Variants in SART3 observed in about 807,000 individuals in gnomAD.
SART3 encodes spliceosome associated factor 3, U4/U6 recycling protein.
Under a neutral mutation model 122.3 loss-of-function variants are expected in SART3, and 44 were observed. That is an observed-to-expected ratio of 0.36 (90% CI 0.28 to 0.46). SART3 has a LOEUF of 0.46. SART3 is among the 20% of genes least tolerant of loss of function. The probability of loss-of-function intolerance (pLI) is 1.00; values close to 1 mark genes in which losing one functional copy is unlikely to be tolerated. For synonymous variants in SART3, 442 were observed against 454.0 expected (o/e 0.97, Z 0.34); for missense variants, 1,101 against 1,229.0 (o/e 0.90, Z 1.56).
chr12:108,532,436 C>A, intron 12 of SART3, 102 bp from the exon 13 acceptor site: 1 of 883,672 alleles, frequency 1.1e-6, no homozygotes, highest in Non-Finnish European at 1.8e-6. Context: ...TCTTCAGTAA[C>A]TCTAGCTTCT....
chr12:108,533,764 G>A lies in SART3; in HGVS notation c.1557-1430C>T, dbSNP rs79337309. 1.2e-3 allele frequency among the ~76,000 whole-genome samples: 177 copies of A among 152,324 alleles called. 1 individual carries two copies. In the East Asian group the frequency reaches 0.024, roughly 21 times the overall value. Reference sequence around the variant, plus strand: ...GAAATATGTCAACATTGGAAGAGCTGCATGATTTAGTGAATTGGGATTTTT... The same window carrying A: ...GAAATATGTCAACATTGGAAGAGCTACATGATTTAGTGAATTGGGATTTTT... On this transcript the variant is annotated intron_variant, in intron 12 of 18. Transcript: ENST00000546815.
chr12:108,539,045 G>T lies in SART3; in HGVS notation c.951C>A (p.Ile317=), dbSNP rs35952122. ...GATCGCCAATTTTCATCTCAAAATC[G>T]ATATATGCTTGATATTCTGCCAGCC... is the stretch of plus-strand genomic sequence containing the variant. ...APRLAEYQAY[I]DFEMKIGDPA... The change falls in exon 7 of 19, where the codon ATC becomes ATA. Residue 317 remains isoleucine (I), a synonymous_variant. Transcript: ENST00000546815. The T allele has an allele frequency of 8.7e-6, 14 of 1,614,072 alleles. No homozygotes were observed. The Admixed American group carries it at 1.2e-4, about 13-fold the overall frequency.
chr12:108,537,237 T>C (rs1872950357), intron 9 of SART3: 1 of 490,786 alleles, frequency 2.0e-6, no homozygotes. Context: ...TAAAAAGACC[T>C]GAAAGGAGAA....
chr12:108,559,825 G>A (rs2030410097), intron 1 of SART3, among the ~76,000 whole-genome samples: 1 of 152,160 alleles, frequency 6.6e-6, no homozygotes, highest in African/African-American at 2.4e-5. Context: ...CTGCCCAGCA[G>A]GAGGCACCAG....
In SART3 at chr12:108,532,322, G is replaced by A; in HGVS notation, c.1569C>T (p.Asp523=). ...EYYNLERAHG[D]TQHCRKALHR... ...GCAGAGCCTTCCGGCAGTGCTGGGT[G>A]TCACCATGAGCTCTAAGGCAGAAAA... The change falls in exon 13 of 19, where the codon GAC becomes GAT. Residue 523 remains aspartate, a synonymous_variant. Transcript: ENST00000546815. The A allele has an allele frequency of 6.2e-7, 1 of 1,613,966 alleles. No homozygotes were observed. The highest frequency in any genetic ancestry group is 8.5e-7 in the Non-Finnish European group (1 of 1,179,980).
At chr12:108,533,921 A>C (rs1872788499) in intron 12 of SART3, among the ~76,000 whole-genome samples, 1 of 152,212 alleles carries the variant, frequency 6.6e-6, no homozygotes, top group Non-Finnish European at 1.5e-5. Context: ...ATATGTATGA[A>C]AGAAGAATAC....
At chr12:108,525,685 C>T in intron 16 of SART3, 76 bp from the exon 17 acceptor site, 2 of 1,487,364 alleles carry the variant, frequency 1.3e-6, no homozygotes, top group Non-Finnish European at 9.4e-7. Flanking sequence ...CTGACACCAG[C>T]CTTGTCCCCA....
At chr12:108,557,065 T>C (rs1243788349) in intron 1 of SART3, among the ~76,000 whole-genome samples, 2 of 152,186 alleles carry the variant, frequency 1.3e-5, no homozygotes, top group Non-Finnish European at 2.9e-5. Flanking sequence ...ATACTATATG[T>C]GGACAAGTAC....
chr12:108,557,228 T>TTTTG, intron 1 of SART3, among the ~76,000 whole-genome samples: 1 of 148,130 alleles, frequency 6.8e-6, no homozygotes, highest in African/African-American at 2.5e-5. Flanking sequence ...TTTTTTTTTT[T>TTTTG]TTTGAGGTGG....
Position 108,539,045 on chromosome 12 carries a change from G to A in SART3, c.951C>T (p.Ile317=), listed in dbSNP as rs35952122. The part of the protein sequence containing the change: ...APRLAEYQAY[I]DFEMKIGDPA... ...GATCGCCAATTTTCATCTCAAAATC[G>A]ATATATGCTTGATATTCTGCCAGCC... The change falls in exon 7 of 19, where the codon ATC becomes ATT. Residue 317 remains isoleucine (I), a synonymous_variant. Coordinates refer to ENST00000546815, the MANE Select transcript of SART3 (RefSeq NM_014706.4). The A allele has an allele frequency of 2.1e-4, 331 of 1,614,190 alleles. No homozygotes were observed. The African/African-American group carries it at 3.2e-3, about 16-fold the overall frequency.
At position 108,524,551 on chromosome 12, in the gene SART3, G is replaced by A. The variant is rs370506184; in HGVS notation, c.2524-45C>T. ...GAACCAAGTCAGATCCCGCAGACTA[G>A]GGACGCAACCTCCTCCTGCAGGGCA... On this transcript the variant is annotated intron_variant, in intron 17 of 18. Transcript: ENST00000546815. 6.9e-6 allele frequency: 11 copies of A among 1,589,922 alleles called. No individual in the cohort carries two copies. The African/African-American group carries it at 1.2e-4, about 17-fold the overall frequency.
Position 108,549,234 on chromosome 12 carries a change from G to A in SART3, c.313-20C>T. 2.5e-6 allele frequency: 4 copies of A among 1,613,890 alleles called. No homozygotes were observed. In the South Asian group the frequency reaches 3.3e-5, roughly 13 times the overall value. ...AGACAACTAACAGGAAAAGAAACAA[G>A]TTGAAATTTAAAACACCGTCATCAA... On this transcript the variant is annotated intron_variant, in intron 1 of 18. Coordinates refer to ENST00000546815, the MANE Select transcript of SART3 (RefSeq NM_014706.4).
rs768057518 is a variant in SART3, at chr12:108,536,547, G to A, written c.1413C>T (p.Ser471=). The change falls in exon 11 of 19, where the codon AGC becomes AGT. Residue 471 remains serine (S), a synonymous_variant. Transcript: ENST00000546815. ...TAGCCCAGTTCTGCATAATCACGCAGCTTGGATCACCACTCTCATTGAAAC... is the reference window on the plus strand; with the variant it reads ...TAGCCCAGTTCTGCATAATCACGCAACTTGGATCACCACTCTCATTGAAAC... ...EERFNESGDP[S]CVIMQNWARI... 6.2e-7 allele frequency: 1 copy of A among 1,614,166 alleles called. No homozygotes were observed. Among genetic ancestry groups the A allele is most frequent in the South Asian group, 1.1e-5 (1 of 91,078 alleles).
At chr12:108,544,510 G>A in intron 4 of SART3, 32 bp from the exon 5 acceptor site, 1 of 1,614,244 alleles carries the variant, frequency 6.2e-7, no homozygotes, top group Non-Finnish European at 8.5e-7. Flanking sequence ...CCGGTCAAAA[G>A]GGGAAAGGAA....
intron 15 of SART3, among the ~76,000 whole-genome samples, chr12:108,527,940 A>G (rs187081599): frequency 1.4e-4 from 22 of 151,956 alleles, no homozygotes; most frequent in African/African-American, 5.3e-4. Flanking sequence ...TAATTTTTGT[A>G]TTTTTAGTAG....
At position 108,560,807 on chromosome 12, in the gene SART3, G is replaced by T. The variant is rs759113501; in HGVS notation, c.312+36C>A. 1.3e-6 allele frequency: 2 copies of T among 1,557,276 alleles called. 1 individual carries two copies. Among genetic ancestry groups the T allele is most frequent in the South Asian group, 2.4e-5 (2 of 83,514 alleles). ...GACATGGGGACCCGAGGACCTGAAAGACTGGAAGATGCCCGCTGCCCACCC... is the reference window on the plus strand; with the variant it reads ...GACATGGGGACCCGAGGACCTGAAATACTGGAAGATGCCCGCTGCCCACCC... On this transcript the variant is annotated intron_variant, in intron 1 of 18. Coordinates refer to ENST00000546815, the MANE Select transcript of SART3 (RefSeq NM_014706.4).
intron 7 of SART3, among the ~76,000 whole-genome samples, chr12:108,538,549 A>C (rs1873015599): frequency 6.6e-6 from 1 of 152,234 alleles, no homozygotes; most frequent in Admixed American, 6.5e-5. Flanking sequence ...AGAAGGGACA[A>C]GTAGGTGAGA....
Position 108,539,061 on chromosome 12 carries a change from T to C in SART3, c.935A>G (p.Glu312Gly). 1 of 1,614,242 alleles carries C rather than the reference T, an allele frequency of 6.2e-7. No homozygotes were observed. The highest frequency in any genetic ancestry group is 8.5e-7 in the Non-Finnish European group (1 of 1,180,042). The change falls in exon 7 of 19, where the codon GAA (glutamate) becomes GGA (glycine). Residue 312 changes from glutamate (E) to glycine (G), a missense_variant. Transcript: ENST00000546815. ...CTCAAAATCGATATATGCTTGATAT[T>C]CTGCCAGCCTTGGTGCCTCTGCCTG... is the stretch of plus-strand genomic sequence containing the variant. ...LLQAEAPRLA[E>G]YQAYIDFEMK...
intron 1 of SART3, among the ~76,000 whole-genome samples, chr12:108,555,186 T>C (rs1004237768): frequency 1.3e-5 from 2 of 152,152 alleles, no homozygotes; most frequent in Non-Finnish European, 2.9e-5. Flanking sequence ...AAGAATAAGA[T>C]AGCAAAGTTT....
Sources: allele counts gnomAD v4.1 joint callset (sites outside exome capture counted in the v4.1 genomes callset), GRCh38; gene constraint gnomAD v4.1.1; transcripts MANE v1.5; gene names NCBI Gene and HGNC (gene_info 2026-07-23, HGNC 2026-07-21).